Variants in GPR174 observed in about 807,000 individuals in gnomAD.
The protein encoded by GPR174 is G protein-coupled receptor 174, also known as probable G protein-coupled receptor 174.
GPR174 carries 8 observed loss-of-function variants against 16.5 expected under a neutral mutation model. The observed-to-expected ratio is 0.48, with a 90% CI of 0.28 to 0.87. The LOEUF (loss-of-function observed/expected upper bound fraction) is 0.87, where lower values mean the gene tolerates loss of function less well. GPR174 is among the 40% of genes least tolerant of loss of function. GPR174 has a pLI of 0.09. For synonymous variants in GPR174, 111 were observed against 94.8 expected (o/e 1.17, Z -0.99); for missense variants, 214 against 247.5 (o/e 0.86, Z 0.91).
intron 2 of GPR174, among the ~76,000 whole-genome samples, chrX:79,166,729 C>T (rs974365110): frequency 1.8e-5 from 2 of 110,379 alleles, no homozygotes; most frequent in African/African-American, 6.6e-5. Flanking sequence ...GCCACTGCGC[C>T]CGGCCTAAAG....
Position 79,152,424 on chromosome X carries a change from G to A in GPR174, c.-653-4398G>A, listed in dbSNP as rs1412552537. Among the ~76,000 whole-genome samples the A allele has an allele frequency of 5.4e-5, 6 of 111,453 alleles. 1 individual carries two copies. Among genetic ancestry groups the A allele is most frequent in the Middle Eastern group, 4.6e-3 (1 of 217 alleles). The stretch of plus-strand genomic sequence containing the variant: ...AGAGAGAATTAACTGGAATCTAATC[G>A]CATACTTAAGTTCAGGAGCTCAGTG... On this transcript the variant is annotated intron_variant, in intron 1 of 2. Coordinates refer to ENST00000645147, the MANE Select transcript of GPR174 (RefSeq NM_032553.3).
intron 1 of GPR174, among the ~76,000 whole-genome samples, chrX:79,145,719 A>G (rs1926486576): frequency 1.8e-5 from 2 of 111,889 alleles, no homozygotes; most frequent in South Asian, 7.4e-4. Context: ...GACCTTAGCT[A>G]ATATAAATGC....
Position 79,170,523 on chromosome X carries a change from A to C in GPR174, c.-485A>C, listed in dbSNP as rs1921485215. On this transcript the variant is annotated 5_prime_UTR_variant, in exon 3 of 3. Coordinates refer to ENST00000645147, the MANE Select transcript of GPR174 (RefSeq NM_032553.3). Reference sequence around the variant, plus strand: ...AAGTCCCAGAAAGCTGATCTTTCCAAGTTAATCATCCCTGAAGAGTGGCGG... The same window carrying C: ...AAGTCCCAGAAAGCTGATCTTTCCACGTTAATCATCCCTGAAGAGTGGCGG... 9.0e-6 allele frequency: 1 copy of C among 111,687 alleles called. No homozygotes were observed. Among genetic ancestry groups the C allele is most frequent in the Non-Finnish European group, 1.9e-5 (1 of 53,593 alleles). The allele number at this position is 111,687 out of a possible 1,213,427, so 9.2% of individuals were successfully genotyped here.
Position 79,144,805 on chromosome X carries a change from A to C in GPR174, c.-1066A>C, listed in dbSNP as rs942017761. 1 of 109,219 alleles carries C rather than the reference A, an allele frequency of 9.2e-6. No homozygotes were observed. Among genetic ancestry groups the C allele is most frequent in the Non-Finnish European group, 1.9e-5 (1 of 52,124 alleles). The allele number at this position is 109,219 out of a possible 1,213,427, so 9.0% of individuals were successfully genotyped here. On this transcript the variant is annotated 5_prime_UTR_variant, in exon 1 of 3. Transcript: ENST00000645147. ...AATTTTTTTTCCTTTTGCTTTCATA[A>C]TTTTTCTTTTGGCTTTCTTTTATTT...
At chrX:79,165,178 G>A (rs193126016) in intron 2 of GPR174, among the ~76,000 whole-genome samples, 162 of 110,227 alleles carry the variant, frequency 1.5e-3, no homozygotes, top group African/African-American at 5.0e-3. Flanking sequence ...AGAGGCTTCC[G>A]TATTTTTGTT....
chrX:79,159,058 A>G (rs1456891280), intron 2 of GPR174, among the ~76,000 whole-genome samples: 1 of 111,015 alleles, frequency 9.0e-6, no homozygotes, highest in Non-Finnish European at 1.9e-5. Flanking sequence ...TTAAACATAG[A>G]AAAAAGTAAC....
chrX:79,163,171 A>G (rs758649609), intron 2 of GPR174, among the ~76,000 whole-genome samples: 36 of 112,048 alleles, frequency 3.2e-4, no homozygotes, highest in African/African-American at 1.0e-3. Flanking sequence ...TTAATAAGAT[A>G]ATTCAACCTT....
intron 1 of GPR174, among the ~76,000 whole-genome samples, chrX:79,154,721 G>A (rs1363069725): frequency 9.0e-6 from 1 of 110,912 alleles, no homozygotes; most frequent in East Asian, 2.8e-4. Context: ...CCCTCATTCC[G>A]CAGATGAAAT....
chrX:79,146,951 G>T (rs1201551091), intron 1 of GPR174, among the ~76,000 whole-genome samples: 1 of 111,212 alleles, frequency 9.0e-6, no homozygotes, highest in Non-Finnish European at 1.9e-5. Context: ...ATACAAGCAG[G>T]GCACAGACGG....
At chrX:79,151,272 T>G (rs750554419) in intron 1 of GPR174, among the ~76,000 whole-genome samples, 12 of 111,821 alleles carry the variant, frequency 1.1e-4, no homozygotes, top group Non-Finnish European at 1.9e-4. Flanking sequence ...TACATTTGCT[T>G]TCTCCATTTT....
At chrX:79,160,213 A>G (rs1921203804) in intron 2 of GPR174, among the ~76,000 whole-genome samples, 1 of 110,813 alleles carries the variant, frequency 9.0e-6, no homozygotes, top group Admixed American at 9.6e-5. Context: ...CTTGATCTCT[A>G]ACTTCACTGT....
At chrX:79,158,888 C>T (rs762188340) in intron 2 of GPR174, among the ~76,000 whole-genome samples, 15 of 107,854 alleles carry the variant, frequency 1.4e-4, no homozygotes, top group Non-Finnish European at 2.9e-4. Flanking sequence ...AATGTAAAGA[C>T]TGCAACTAGA....
intron 1 of GPR174, among the ~76,000 whole-genome samples, chrX:79,147,186 T>G (rs976712143): frequency 9.0e-6 from 1 of 111,012 alleles, no homozygotes; most frequent in Non-Finnish European, 1.9e-5. Context: ...AAAATGAGAC[T>G]CGTAGAGGTG....
intron 2 of GPR174, among the ~76,000 whole-genome samples, chrX:79,169,064 A>G (rs1307564481): frequency 1.8e-5 from 2 of 111,900 alleles, no homozygotes; most frequent in African/African-American, 6.5e-5. Context: ...TCCCATAAGA[A>G]CTCCATATGA....
At chrX:79,151,062 A>T (rs1025412102) in intron 1 of GPR174, among the ~76,000 whole-genome samples, 6 of 110,976 alleles carry the variant, frequency 5.4e-5, no homozygotes, top group African/African-American at 2.0e-4. Context: ...GTATATTTTT[A>T]GTAATAACTC....
At chrX:79,152,318 T>C (rs769128369) in intron 1 of GPR174, among the ~76,000 whole-genome samples, 1 of 111,505 alleles carries the variant, frequency 9.0e-6, no homozygotes, top group Non-Finnish European at 1.9e-5. Flanking sequence ...TAGAGCTATT[T>C]TTATATTTGT....
Position 79,145,002 on chromosome X carries a change from CTCTCTTTCTTTCTTTCTTTCTT to C in GPR174, c.-865_-844del, listed in dbSNP as rs1209994401. On this transcript the variant is annotated 5_prime_UTR_variant, in exon 1 of 3. Coordinates refer to ENST00000645147, the MANE Select transcript of GPR174 (RefSeq NM_032553.3). ...TTTTTCTTTCTTTCTTTCTCTCTCT[CTCTCTTTCTTTCTTTCTTTCTT>C]TCTTTCTTTCTTTCTTTCTTTCTTT... is the stretch of plus-strand genomic sequence containing the variant. 136 of 34,021 alleles carry C rather than the reference CTCTCTTTCTTTCTTTCTTTCTT, an allele frequency of 4.0e-3. No individual in the cohort carries two copies. Among genetic ancestry groups the C allele is most frequent in the African/African-American group, 0.011 (118 of 10,846 alleles). The allele number at this position is 34,021 out of a possible 1,213,427, so 2.8% of individuals were successfully genotyped here.
intron 2 of GPR174, among the ~76,000 whole-genome samples, chrX:79,164,118 A>C (rs1169861855): frequency 9.0e-6 from 1 of 111,177 alleles, no homozygotes; most frequent in African/African-American, 3.3e-5. Context: ...TGAGCTCCAA[A>C]TGAATATGTC....
chrX:79,148,989 C>T (rs1926552828), intron 1 of GPR174, among the ~76,000 whole-genome samples: 1 of 111,462 alleles, frequency 9.0e-6, no homozygotes, highest in African/African-American at 3.3e-5. Flanking sequence ...AAGTGTCAGG[C>T]CAAATGGTGT....
Sources: gnomAD v4.1 joint callset for allele counts (sites outside exome capture counted in the v4.1 genomes callset) on GRCh38, gnomAD v4.1.1 for gene constraint, MANE v1.5 for transcripts, NCBI Gene and HGNC (gene_info 2026-07-23, HGNC 2026-07-21) for gene names.